The following PLAGL1 variants were observed in gnomAD, a reference collection of about 807,000 sequenced individuals.
PLAGL1 encodes the protein PLAG1 like zinc finger 1.
A neutral mutation model predicts 4.6 loss-of-function variants in PLAGL1; 1 was observed. That is an observed-to-expected ratio of 0.22 (90% confidence interval 0.08 to 1.03). The LOEUF (loss-of-function observed/expected upper bound fraction) is 1.03, where lower values mean the gene tolerates loss of function less well. Among genes scored for constraint, PLAGL1 ranks in the 50% least tolerant of loss-of-function variants. PLAGL1 has a pLI of 0.58. For synonymous variants in PLAGL1, 240 were observed against 237.8 expected (o/e 1.01, Z -0.08); for missense variants, 464 against 570.4 (o/e 0.81, Z 1.90).
At chr6:144,011,281 G>T (rs1795168664), upstream of PLAGL1, among the ~76,000 whole-genome samples, 1 of 152,158 alleles carries the variant, frequency 6.6e-6, no homozygotes, top group African/African-American at 2.4e-5. This position sits in a 1 kb window ranked among gnomAD's most constrained non-coding sequence, Gnocchi z 4.3. Context: ...CCATCAAAAA[G>T]TGGGCAAAGG....
At position 143,959,317 on chromosome 6, in the gene PLAGL1, A is replaced by G. The variant is rs1782851236; in HGVS notation, c.-325+1152T>C. Among the ~76,000 whole-genome samples, 1 of 151,914 alleles carries G rather than the reference A, an allele frequency of 6.6e-6. No homozygotes were observed. Among genetic ancestry groups the G allele is most frequent in the Non-Finnish European group, 1.5e-5 (1 of 67,974 alleles). Reference sequence around the variant, plus strand: ...CACCCCACCTGTTCGCAGCCCATGGACTCGCCACTGAATACTTCGGCAGAC... The same window carrying G: ...CACCCCACCTGTTCGCAGCCCATGGGCTCGCCACTGAATACTTCGGCAGAC... On this transcript the variant is annotated intron_variant, in intron 6 of 7. Coordinates refer to ENST00000674357, the MANE Select transcript of PLAGL1 (RefSeq NM_001317162.2). The surrounding 1 kb of genome is among the most constrained non-coding windows in gnomAD (Gnocchi z 5.3).
rs1786221471 is a variant in PLAGL1, at chr6:143,975,126, C to T, written c.-543-6148G>A. On this transcript the variant is annotated intron_variant, in intron 2 of 7. Coordinates refer to ENST00000674357, the MANE Select transcript of PLAGL1 (RefSeq NM_001317162.2). This position sits in a 1 kb window ranked among gnomAD's most constrained non-coding sequence, Gnocchi z 5.8. Reference sequence around the variant, plus strand: ...TAGAACTAATAATCAGCAGTTAAAACTTTAAATTCAAGTATTCTATCTTTG... The same window carrying T: ...TAGAACTAATAATCAGCAGTTAAAATTTTAAATTCAAGTATTCTATCTTTG... Among the ~76,000 whole-genome samples, 1 of 152,170 alleles carries T rather than the reference C, an allele frequency of 6.6e-6. No individual in the cohort carries two copies. Among genetic ancestry groups the T allele is most frequent in the Non-Finnish European group, 1.5e-5 (1 of 68,034 alleles).
At chr6:144,047,971 T>A (rs111293436) in intron 1 of PLAGL1, among the ~76,000 whole-genome samples, 7 of 152,178 alleles carry the variant, frequency 4.6e-5, no homozygotes, top group African/African-American at 1.2e-4. Flanking sequence ...CCAGATACAA[T>A]GAGGGTACAA....
chr6:143,943,755 A>G (rs1277001007), intron 7 of PLAGL1, among the ~76,000 whole-genome samples: 1 of 152,254 alleles, frequency 6.6e-6, no homozygotes, highest in Non-Finnish European at 1.5e-5. Flanking sequence ...CAATGGCTTC[A>G]GGGACAAGCC....
Position 143,977,090 on chromosome 6 carries a change from C to CA in PLAGL1, c.-544+8044_-544+8045insT, listed in dbSNP as rs1015718212. Among the ~76,000 whole-genome samples, 13 of 148,224 alleles carry CA rather than the reference C, an allele frequency of 8.8e-5. 1 individual carries two copies. In the East Asian group the frequency reaches 1.0e-3, roughly 12 times the overall value. The stretch of plus-strand genomic sequence containing the variant: ...ATTTCCCATATACTCCCTTCCCCCC[C>CA]CCCAACACACTTAGCCTTCTCCATT... On this transcript the variant is annotated intron_variant, in intron 2 of 7. Coordinates refer to ENST00000674357, the MANE Select transcript of PLAGL1 (RefSeq NM_001317162.2).
chr6:144,058,691 T>C (rs1365344692), intron 1 of PLAGL1, among the ~76,000 whole-genome samples: 1 of 152,074 alleles, frequency 6.6e-6, no homozygotes, highest in East Asian at 1.9e-4. Context: ...AAGAAAGGGG[T>C]AATTTTCATG....
In PLAGL1 at chr6:143,968,029, A is replaced by G. The variant is rs2128573277; in HGVS notation, c.-472+878T>C. 7.0e-6 allele frequency: 1 copy of G among 142,044 alleles called. No individual in the cohort carries two copies. 8.8% of individuals were successfully genotyped at this position (142,044 alleles called of 1,614,324 possible). A position where few individuals can be genotyped will look rare whatever the true frequency, so the allele number is the denominator to read the frequency against. ...AAAAAAAAAAAAAAACAGTCTGGAG[A>G]GAGGCCAAGAGTTATGGTTAAGCAA... is the stretch of plus-strand genomic sequence containing the variant. On this transcript the variant is annotated intron_variant, in intron 3 of 7. Coordinates refer to ENST00000674357, the MANE Select transcript of PLAGL1 (RefSeq NM_001317162.2). This position sits in a 1 kb window ranked among gnomAD's most constrained non-coding sequence, Gnocchi z 6.3.
rs527815408 is a variant in PLAGL1, at chr6:143,950,042, T to C, written c.-324-1582A>G. Among the ~76,000 whole-genome samples the C allele has an allele frequency of 6.6e-6, 1 of 152,294 alleles. No individual in the cohort carries two copies. The highest frequency in any genetic ancestry group is 2.4e-5 in the African/African-American group (1 of 41,552). On this transcript the variant is annotated intron_variant, in intron 6 of 7. Transcript: ENST00000674357. This position sits in a 1 kb window ranked among gnomAD's most constrained non-coding sequence, Gnocchi z 6.3. The stretch of plus-strand genomic sequence containing the variant: ...TTGTAGAGTTCCTCATCTTCTGTTG[T>C]AGATGTTTTCAGTGTCTGGACAGAG...
At chr6:143,946,169 A>G (rs754935912) in intron 7 of PLAGL1, among the ~76,000 whole-genome samples, 5 of 152,208 alleles carry the variant, frequency 3.3e-5, no homozygotes, top group Admixed American at 6.5e-5. Context: ...CACCCTGCAA[A>G]TACTGTACTT....
chr6:144,055,733 A>G lies in PLAGL1; in HGVS notation c.-151+8735T>C, dbSNP rs1798917258. The stretch of plus-strand genomic sequence containing the variant: ...ACAGTTGTCAGAGATATAAATCATA[A>G]CTACAGGTGCCTTTAGGAAAGTGAA... On this transcript the variant is annotated intron_variant, in intron 1 of 3. Coordinates refer to the PLAGL1 transcript ENST00000437412. The surrounding 1 kb of genome is among the most constrained non-coding windows in gnomAD (Gnocchi z 5.0). Among the ~76,000 whole-genome samples, 1 of 152,176 alleles carries G rather than the reference A, an allele frequency of 6.6e-6. No homozygotes were observed. The highest frequency in any genetic ancestry group is 1.5e-5 in the Non-Finnish European group (1 of 68,016).
rs1055655710 is a variant in PLAGL1 at position 143,954,449 on chromosome 6, C to A, written c.-324-5989G>T. Among the ~76,000 whole-genome samples the A allele has an allele frequency of 6.6e-6, 1 of 152,216 alleles. No homozygotes were observed. The highest frequency in any genetic ancestry group is 1.5e-5 in the Non-Finnish European group (1 of 68,034). Reference sequence around the variant, plus strand: ...CAGTGCAAGACCCCAGGGGCTGGGACAGGCATTTGAGTCAAACTTGCAAGG... The same window carrying A: ...CAGTGCAAGACCCCAGGGGCTGGGAAAGGCATTTGAGTCAAACTTGCAAGG... On this transcript the variant is annotated intron_variant, in intron 6 of 7. Transcript: ENST00000674357. This position sits in a 1 kb window ranked among gnomAD's most constrained non-coding sequence, Gnocchi z 5.1.
At position 143,982,979 on chromosome 6, in the gene PLAGL1, G is replaced by C. The variant is rs1788285808; in HGVS notation, c.-544+2156C>G. 6.6e-6 allele frequency among the ~76,000 whole-genome samples: 1 copy of C among 152,194 alleles called. No individual in the cohort carries two copies. Among genetic ancestry groups the C allele is most frequent in the African/African-American group, 2.4e-5 (1 of 41,452 alleles). On this transcript the variant is annotated intron_variant, in intron 2 of 7. Transcript: ENST00000674357. The surrounding 1 kb of genome is among the most constrained non-coding windows in gnomAD (Gnocchi z 5.3). The stretch of plus-strand genomic sequence containing the variant: ...CAATTTAGTAGCTGCCAGCATATAT[G>C]TATTTAAAGCCATAAAAATGAATGG...
rs1269671258 is a variant in PLAGL1, at chr6:143,950,880, CTTTAT to C, written c.-324-2425_-324-2421del. On this transcript the variant is annotated intron_variant, in intron 6 of 7. Transcript: ENST00000674357. This position sits in a 1 kb window ranked among gnomAD's most constrained non-coding sequence, Gnocchi z 6.3. The stretch of plus-strand genomic sequence containing the variant: ...TGCCTCTGAGAAACTGAAACTTTTA[CTTTAT>C]TTAACTTTAATTTAAATTGCCACAT... Among the ~76,000 whole-genome samples the C allele has an allele frequency of 1.3e-5, 2 of 152,166 alleles. No individual in the cohort carries two copies. The highest frequency in any genetic ancestry group is 2.9e-5 in the Non-Finnish European group (2 of 68,020).
rs918607421 is a variant in PLAGL1 at position 143,947,802 on chromosome 6, A to T, written c.152+183T>A. On this transcript the variant is annotated intron_variant, in intron 7 of 7. Transcript: ENST00000674357. This position sits in a 1 kb window ranked among gnomAD's most constrained non-coding sequence, Gnocchi z 4.3. The stretch of plus-strand genomic sequence containing the variant: ...ATCTCTGTTGAAAGAATGAACTGAC[A>T]CTGCACAACAAGACGGTCACATAAA... Among the ~76,000 whole-genome samples the T allele has an allele frequency of 1.3e-5, 2 of 152,222 alleles. No homozygotes were observed. Among genetic ancestry groups the T allele is most frequent in the Non-Finnish European group, 2.9e-5 (2 of 68,036 alleles).
chr6:144,028,538 T>A (rs1474184900), intron 1 of PLAGL1, among the ~76,000 whole-genome samples: 1 of 152,152 alleles, frequency 6.6e-6, no homozygotes, highest in Non-Finnish European at 1.5e-5. Flanking sequence ...AAATAAAGAT[T>A]TACTGTTAAG....
Position 143,942,733 on chromosome 6 carries a change from AT to A in PLAGL1, c.153-71del, listed in dbSNP as rs1180753918. On this transcript the variant is annotated intron_variant, in intron 7 of 7. Transcript: ENST00000674357. The surrounding 1 kb of genome is among the most constrained non-coding windows in gnomAD (Gnocchi z 7.6). ...AGCTGAAGAAAGGTGTAGCAACAATATTATATCAAAATGTTAATAGTTTTCT... is the reference window on the plus strand; with the variant it reads ...AGCTGAAGAAAGGTGTAGCAACAATATATATCAAAATGTTAATAGTTTTCT... The A allele has an allele frequency of 8.9e-7, 1 of 1,121,840 alleles. No individual in the cohort carries two copies. The highest frequency in any genetic ancestry group is 1.6e-5 in the African/African-American group (1 of 63,974). 69.5% of individuals were successfully genotyped at this position (1,121,840 alleles called of 1,614,324 possible).
At chr6:144,062,684 T>C (rs142842708) in intron 1 of PLAGL1, among the ~76,000 whole-genome samples, 106 of 152,242 alleles carry the variant, frequency 7.0e-4, no homozygotes, top group African/African-American at 2.5e-3. Context: ...CCGGGTTATA[T>C]TGCAGCCTGT....
chr6:144,022,097 A>G lies in PLAGL1; in HGVS notation c.-151+42371T>C, dbSNP rs543373782. ...CCAAAAGAATTTTTTAAAAACCAAC[A>G]TTCCAAAGACAAACCACAGATTGGT... is the stretch of plus-strand genomic sequence containing the variant. On this transcript the variant is annotated intron_variant, in intron 1 of 3. Coordinates refer to the PLAGL1 transcript ENST00000437412. This position sits in a 1 kb window ranked among gnomAD's most constrained non-coding sequence, Gnocchi z 4.2. 2.6e-4 allele frequency among the ~76,000 whole-genome samples: 39 copies of G among 152,356 alleles called. 1 individual carries two copies. The South Asian group carries it at 7.9e-3, about 31-fold the overall frequency.
chr6:144,045,328 T>C (rs1798059122), intron 1 of PLAGL1, among the ~76,000 whole-genome samples: 1 of 152,182 alleles, frequency 6.6e-6, no homozygotes, highest in African/African-American at 2.4e-5. Context: ...GTACTGGTTG[T>C]TCCTTTCCAC....
Sources: gnomAD v4.1 joint callset for allele counts (sites outside exome capture counted in the v4.1 genomes callset) on GRCh38, gnomAD v4.1.1 for gene constraint, Gnocchi (gnomAD v3.1) non-coding constraint, MANE v1.5 for transcripts, NCBI Gene and HGNC (gene_info 2026-07-23, HGNC 2026-07-21) for gene names.